The following GUCY1A1 variants were observed in gnomAD, a reference collection of about 807,000 sequenced individuals.
The protein encoded by GUCY1A1 is guanylate cyclase 1 soluble subunit alpha 1, also known as guanylate cyclase soluble subunit alpha-1.
In GUCY1A1, 48 loss-of-function variants were observed where a neutral mutation model predicts 64.5. The ratio of observed to expected loss-of-function variants is 0.74; its 90% CI spans 0.59 to 0.95. GUCY1A1 has a LOEUF of 0.95. GUCY1A1 is among the 40% of genes least tolerant of loss of function. The probability of loss-of-function intolerance (pLI) is 0.00; values close to 1 mark genes in which losing one functional copy is unlikely to be tolerated. For synonymous variants in GUCY1A1, 308 were observed against 303.4 expected (o/e 1.02, Z -0.16); for missense variants, 804 against 825.3 (o/e 0.97, Z 0.32).
chr4:155,720,320 T>C (rs954107184), intron 8 of GUCY1A1, among the ~76,000 whole-genome samples: 2 of 150,886 alleles, frequency 1.3e-5, no homozygotes, highest in African/African-American at 4.9e-5. Flanking sequence ...TTGATATTTA[T>C]GAGCAGAAGA....
At chr4:155,703,271 G>A (rs1382692755) in intron 3 of GUCY1A1, among the ~76,000 whole-genome samples, 1 of 152,140 alleles carries the variant, frequency 6.6e-6, no homozygotes, top group African/African-American at 2.4e-5. Flanking sequence ...AGGATTATTA[G>A]TTCAAAGAAA....
intron 1 of GUCY1A1, 162 bp downstream of exon 1, chr4:155,667,127 G>C (rs1178054324): frequency 6.6e-6 from 1 of 152,442 alleles, no homozygotes; most frequent in African/African-American, 2.4e-5. Flanking sequence ...CAAAGGCAAG[G>C]AGGACTGTCT....
chr4:155,710,513 A>G (rs1732417256), intron 5 of GUCY1A1, 29 bp from the exon 6 acceptor site: 1 of 1,273,716 alleles, frequency 7.9e-7, no homozygotes, highest in Non-Finnish European at 1.1e-6. Flanking sequence ...CATATTTGAT[A>G]TGGCAGAACA....
chr4:155,699,353 C>CT (rs1730801432), intron 3 of GUCY1A1, among the ~76,000 whole-genome samples: 1 of 152,114 alleles, frequency 6.6e-6, no homozygotes, highest in African/African-American at 2.4e-5. Flanking sequence ...GCCATACAGG[C>CT]TGCTATAAAC....
intron 8 of GUCY1A1, 73 bp from the exon 9 acceptor site, chr4:155,721,965 T>C (rs1734014705): frequency 9.8e-7 from 1 of 1,022,956 alleles, no homozygotes; most frequent in East Asian, 2.4e-5. Flanking sequence ...ATTTAGACGG[T>C]ATTCAAACGA....
chr4:155,672,749 A>G (rs1292374133), intron 2 of GUCY1A1, among the ~76,000 whole-genome samples: 1 of 152,174 alleles, frequency 6.6e-6, no homozygotes, highest in East Asian at 1.9e-4. Context: ...CACCTTCCCA[A>G]TTTTGAAAAT....
rs968811523 is a variant in GUCY1A1, at chr4:155,731,318, G to A, written c.*1087G>A. 3 of 151,710 alleles carry A rather than the reference G, an allele frequency of 2.0e-5. No individual in the cohort carries two copies. The highest frequency in any genetic ancestry group is 7.3e-5 in the African/African-American group (3 of 41,358). The allele number at this position is 151,710 out of a possible 1,614,324, so 9.4% of individuals were successfully genotyped here. A position where few individuals can be genotyped will look rare whatever the true frequency, so the allele number is the denominator to read the frequency against. Reference sequence around the variant, plus strand: ...GATATCTCATTTTTCTTGAGTATTTGTGCTGAACATTTTGGTGTATGTCTA... The same window carrying A: ...GATATCTCATTTTTCTTGAGTATTTATGCTGAACATTTTGGTGTATGTCTA... On this transcript the variant is annotated 3_prime_UTR_variant, in exon 10 of 10. Coordinates refer to ENST00000506455, the MANE Select transcript of GUCY1A1 (RefSeq NM_001130682.3).
Position 155,711,049 on chromosome 4 carries a change from A to G in GUCY1A1, c.884A>G (p.Asp295Gly). ...TFPFHFMFDK[D>G]MTILQFGNGI... ...CCATTCCATTTCATGTTTGACAAAGATATGACAATTCTGCAATTTGGCAAT... is the reference window on the plus strand; with the variant it reads ...CCATTCCATTTCATGTTTGACAAAGGTATGACAATTCTGCAATTTGGCAAT... Residue 295 changes from aspartate (D) to glycine (G), a missense_variant, in exon 6 of 10, where the codon GAT (aspartate) becomes GGT (glycine). Coordinates refer to ENST00000506455, the MANE Select transcript of GUCY1A1 (RefSeq NM_001130682.3). The G allele has an allele frequency of 6.2e-7, 1 of 1,614,080 alleles. No homozygotes were observed. The highest frequency in any genetic ancestry group is 8.5e-7 in the Non-Finnish European group (1 of 1,179,922).
At chr4:155,692,026 A>G (rs4691052) in intron 2 of GUCY1A1, among the ~76,000 whole-genome samples, 36,478 of 152,072 alleles carry the variant, frequency 0.24, 4,758 homozygotes, top group Admixed American at 0.29. Flanking sequence ...GCTCTCACTT[A>G]TAAGTGAGAA....
chr4:155,684,393 C>CAT (rs10648190), intron 2 of GUCY1A1, among the ~76,000 whole-genome samples: 148,726 of 152,268 alleles, frequency 0.98, 72,753 homozygotes, highest in South Asian at 1. Flanking sequence ...GAATTTGCCA[C>CAT]GTCTTTTGCT....
At position 155,713,527 on chromosome 4, in the gene GUCY1A1, C is replaced by T; in HGVS notation, c.1516C>T (p.Leu506Phe). 1 of 1,614,082 alleles carries T rather than the reference C, an allele frequency of 6.2e-7. No individual in the cohort carries two copies. Among genetic ancestry groups the T allele is most frequent in the Non-Finnish European group, 8.5e-7 (1 of 1,179,952 alleles). Residue 506 changes from leucine (L) to phenylalanine (F), a missense_variant, in exon 7 of 10, where the codon CTC becomes TTC. Leu to Phe is a conservative substitution (Grantham distance 22). Transcript: ENST00000506455. Reference sequence around the variant, plus strand: ...CTCACCGCTGCAGGTCATCACCATGCTCAATGCACTGTACACTCGCTTCGA... The same window carrying T: ...CTCACCGCTGCAGGTCATCACCATGTTCAATGCACTGTACACTCGCTTCGA... ...QCSPLQVITM[L>F]NALYTRFDQQ...
intron 2 of GUCY1A1, among the ~76,000 whole-genome samples, chr4:155,689,068 G>A (rs1201099135): frequency 6.7e-6 from 1 of 150,222 alleles, no homozygotes; most frequent in Admixed American, 6.7e-5. Context: ...GATCTAGCAT[G>A]CCTGCATTTT....
At position 155,734,078 on chromosome 4, in the gene GUCY1A1, T is replaced by C. The variant is rs1373036565; in HGVS notation, c.*3847T>C. On this transcript the variant is annotated 3_prime_UTR_variant, in exon 10 of 10. Coordinates refer to ENST00000506455, the MANE Select transcript of GUCY1A1 (RefSeq NM_001130682.3). The stretch of plus-strand genomic sequence containing the variant: ...TCTTCCAAATTTCTTCTCCCTGATA[T>C]TTCCAGCCACGCCAAGGCAAAGACT... 1.3e-5 allele frequency among the ~76,000 whole-genome samples: 2 copies of C among 151,920 alleles called. No individual in the cohort carries two copies. Among genetic ancestry groups the C allele is most frequent in the African/African-American group, 4.8e-5 (2 of 41,398 alleles).
At chr4:155,698,098 T>C (rs572455944) in intron 3 of GUCY1A1, among the ~76,000 whole-genome samples, 1 of 152,286 alleles carries the variant, frequency 6.6e-6, no homozygotes, top group Admixed American at 6.5e-5. Flanking sequence ...CAGATAATCT[T>C]GTTTCACTCC....
At chr4:155,675,341 T>C (rs1310661345) in intron 2 of GUCY1A1, among the ~76,000 whole-genome samples, 4 of 151,572 alleles carry the variant, frequency 2.6e-5, no homozygotes, top group African/African-American at 9.8e-5. Flanking sequence ...TTTAGCACTA[T>C]ATATGAAGTA....
Position 155,713,187 on chromosome 4 carries a change from T to G in GUCY1A1, c.1176T>G (p.Asp392Glu). Residue 392 changes from aspartate (D) to glutamate (E), a missense_variant, in exon 7 of 10, where the codon GAT (aspartate) becomes GAG (glutamate). Physicochemically the swap from Asp to Glu is conservative, Grantham distance 45 (BLOSUM62 2). Transcript: ENST00000506455. ...LGSPCVDRLE[D>E]FTGRGLYLSD... ...CACCCTGTGTGGACAGATTAGAAGA[T>G]TTTACAGGACGAGGGCTCTACCTCT... 1.2e-6 allele frequency: 2 copies of G among 1,613,974 alleles called. No homozygotes were observed. Among genetic ancestry groups the G allele is most frequent in the Non-Finnish European group, 1.7e-6 (2 of 1,179,906 alleles).
chr4:155,727,602 A>G (rs1257457053), intron 9 of GUCY1A1, among the ~76,000 whole-genome samples: 1 of 151,782 alleles, frequency 6.6e-6, no homozygotes, highest in Admixed American at 6.6e-5. Flanking sequence ...TTAATCACCT[A>G]TAGTTTTATA....
At chr4:155,724,480 G>C (rs116125402) in intron 9 of GUCY1A1, among the ~76,000 whole-genome samples, 1 of 151,838 alleles carries the variant, frequency 6.6e-6, no homozygotes, top group Non-Finnish European at 1.5e-5. Context: ...CCACTCAAAC[G>C]GTTCTTATCA....
Position 155,717,275 on chromosome 4 carries a change from T to C in GUCY1A1, c.1689T>C (p.Val563=). Residue 563 remains valine, a synonymous_variant, in exon 8 of 10, where the codon GTT becomes GTC. Coordinates refer to ENST00000506455, the MANE Select transcript of GUCY1A1 (RefSeq NM_001130682.3). ...AGATGATGGAGCTCTCTGATGAAGT[T>C]ATGTCTCCCCATGGAGAACCTATCA... ...ALKMMELSDE[V]MSPHGEPIKM... is the part of the protein sequence containing the mutation. The C allele has an allele frequency of 1.3e-6, 2 of 1,594,200 alleles. No homozygotes were observed. The highest frequency in any genetic ancestry group is 1.7e-6 in the Non-Finnish European group (2 of 1,168,350).
Sources: gnomAD v4.1 joint callset for allele counts (sites outside exome capture counted in the v4.1 genomes callset) on GRCh38, gnomAD v4.1.1 for gene constraint, MANE v1.5 for transcripts, NCBI Gene and HGNC (gene_info 2026-07-23, HGNC 2026-07-21) for gene names.